The following PRRG1 variants were observed in gnomAD, a reference collection of about 807,000 sequenced individuals.
PRRG1 encodes transmembrane gamma-carboxyglutamic acid protein 1.
Under a neutral mutation model 11.8 loss-of-function variants are expected in PRRG1, and 5 were observed. The ratio of observed to expected loss-of-function variants is 0.42; its 90% CI spans 0.22 to 0.89. The LOEUF (loss-of-function observed/expected upper bound fraction) is 0.89. Ranked by LOEUF, PRRG1 falls within the 40% of genes least tolerant of loss-of-function variation. The probability of loss-of-function intolerance (pLI) is 0.28; values close to 1 mark genes in which losing one functional copy is unlikely to be tolerated. For synonymous variants in PRRG1, 66 were observed against 60.4 expected, an observed-to-expected ratio of 1.09 and a Z score of -0.43; for missense variants, 155 against 166.1, an observed-to-expected ratio of 0.93 and a Z score of 0.37.
chrX:37,364,009 C>CT (rs1189419975), intron 1 of PRRG1, among the ~76,000 whole-genome samples: 5 of 110,875 alleles, frequency 4.5e-5, no homozygotes, highest in Non-Finnish European at 9.5e-5. Context: ...GCTTTTTCTC[C>CT]TTTTTTTTCT....
intron 1 of PRRG1, among the ~76,000 whole-genome samples, chrX:37,400,066 A>G (rs1322375587): frequency 2.7e-5 from 3 of 111,451 alleles, no homozygotes; most frequent in Admixed American, 9.5e-5. Context: ...AACATTAGAC[A>G]GATCAACGAG....
intron 3 of PRRG1, among the ~76,000 whole-genome samples, chrX:37,429,099 A>T (rs782080444): frequency 9.0e-6 from 1 of 111,175 alleles, no homozygotes; most frequent in African/African-American, 3.3e-5. Flanking sequence ...CCAGGAAACC[A>T]TTTTTTCCTT....
At chrX:37,424,280 T>C (rs782178921) in intron 2 of PRRG1, among the ~76,000 whole-genome samples, 24 of 111,297 alleles carry the variant, frequency 2.2e-4, no homozygotes, top group Non-Finnish European at 4.0e-4. Flanking sequence ...AGGGTAGTGA[T>C]TCTCAAACTG....
chrX:37,379,367 A>G (rs1365688498), intron 1 of PRRG1, among the ~76,000 whole-genome samples: 5 of 110,536 alleles, frequency 4.5e-5, no homozygotes, highest in African/African-American at 1.3e-4. Context: ...CACTGCAAGT[A>G]ACAGTTAGCA....
Position 37,453,537 on chromosome X carries a change from C to A in PRRG1, c.573C>A (p.Asp191Glu), listed in dbSNP as rs149270851. The A allele has an allele frequency of 6.9e-5, 83 of 1,208,250 alleles. No individual in the cohort carries two copies. The highest frequency in any genetic ancestry group is 8.9e-5 in the Non-Finnish European group (80 of 894,350). The change falls in exon 4 of 4, where the codon GAC (aspartate) becomes GAA (glutamate). Residue 191 changes from aspartate to glutamate, a missense_variant. By Grantham distance (45) the Asp-to-Glu change is conservative. Transcript: ENST00000378628. ...LQRSETEPHLDPPPEYEDIVN... is the reference protein window; with the variant it reads ...LQRSETEPHLEPPPEYEDIVN... ...GGAGTGAAACAGAACCTCATTTAGA[C>A]CCACCCCCAGAGTATGAGGACATAG... is the stretch of plus-strand genomic sequence containing the variant.
intron 1 of PRRG1, among the ~76,000 whole-genome samples, chrX:37,373,480 A>G (rs1191191383): frequency 1.8e-5 from 2 of 111,810 alleles, no homozygotes; most frequent in East Asian, 5.6e-4. Flanking sequence ...TCAATGTTTT[A>G]CAGTTTTCAG....
chrX:37,414,977 G>A (rs948761408), intron 2 of PRRG1, among the ~76,000 whole-genome samples: 4 of 112,360 alleles, frequency 3.6e-5, no homozygotes, highest in African/African-American at 6.5e-5. Flanking sequence ...AACATATTAC[G>A]TTGAACCATA....
intron 1 of PRRG1, among the ~76,000 whole-genome samples, chrX:37,372,781 G>A (rs985793616): frequency 1.8e-5 from 2 of 112,769 alleles, no homozygotes; most frequent in Non-Finnish European, 3.7e-5. Context: ...TGGCTGTCCA[G>A]AAACTTTTTA....
intron 3 of PRRG1, among the ~76,000 whole-genome samples, chrX:37,431,438 C>G (rs1275554146): frequency 8.9e-6 from 1 of 112,307 alleles, no homozygotes; most frequent in African/African-American, 3.2e-5. Context: ...TTTAGCCATT[C>G]TGCTAGGAGT....
At chrX:37,409,133 A>T (rs1839775406) in intron 2 of PRRG1, among the ~76,000 whole-genome samples, 3 of 112,101 alleles carry the variant, frequency 2.7e-5, no homozygotes, top group Admixed American at 9.5e-5. Flanking sequence ...TAAACAATTG[A>T]TTAACACATA....
At chrX:37,401,743 C>T (rs1463089113) in intron 1 of PRRG1, among the ~76,000 whole-genome samples, 1 of 111,137 alleles carries the variant, frequency 9.0e-6, no homozygotes, top group East Asian at 2.8e-4. Context: ...ACCCCATTGT[C>T]TCAGCCCAAA....
chrX:37,359,309 A>G (rs1156877665), intron 1 of PRRG1, among the ~76,000 whole-genome samples: 1 of 107,571 alleles, frequency 9.3e-6, no homozygotes, highest in Non-Finnish European at 1.9e-5. Flanking sequence ...GTTCCCATCT[A>G]TTCCTAGTTT....
chrX:37,356,943 T>C (rs28378872), intron 1 of PRRG1, among the ~76,000 whole-genome samples: 22,905 of 110,038 alleles, frequency 0.21, 2,606 homozygotes, highest in African/African-American at 0.43. Context: ...ATATTAGGAC[T>C]CACTCTTGGT....
intron 1 of PRRG1, among the ~76,000 whole-genome samples, chrX:37,403,512 G>A (rs1602007551): frequency 9.7e-6 from 1 of 102,697 alleles, no homozygotes; most frequent in African/African-American, 3.6e-5. Flanking sequence ...ATAGCATTAG[G>A]AGATATACCT....
chrX:37,371,752 A>G (rs1021569649), intron 1 of PRRG1, among the ~76,000 whole-genome samples: 4 of 113,023 alleles, frequency 3.5e-5, no homozygotes, highest in African/African-American at 1.3e-4. Flanking sequence ...TTCCTGCCCC[A>G]CTTCAGCCAG....
chrX:37,380,479 A>G (rs1931118879), intron 1 of PRRG1, among the ~76,000 whole-genome samples: 1 of 111,267 alleles, frequency 9.0e-6, no homozygotes, highest in African/African-American at 3.3e-5. Flanking sequence ...TAACCAAACT[A>G]AGCCTTGGTT....
intron 1 of PRRG1, among the ~76,000 whole-genome samples, chrX:37,397,891 T>C (rs1189299766): frequency 9.1e-6 from 1 of 109,877 alleles, no homozygotes; most frequent in Non-Finnish European, 1.9e-5. Context: ...ATTGTCATTA[T>C]TTTAGAAGTA....
At chrX:37,406,576 C>G (rs1347794190) in intron 2 of PRRG1, among the ~76,000 whole-genome samples, 1 of 109,482 alleles carries the variant, frequency 9.1e-6, no homozygotes, top group African/African-American at 3.3e-5. Context: ...TTCCCCAAAC[C>G]CAGCTTCTTT....
In PRRG1 at chrX:37,453,201, T is replaced by G; in HGVS notation, c.237T>G (p.Phe79Leu). The change falls in exon 4 of 4, where the codon TTT becomes TTG. Residue 79 changes from phenylalanine to leucine, a missense_variant. By Grantham distance (22) the Phe-to-Leu change is conservative. Transcript: ENST00000378628. ...AGAGTAACCGAGGAAGTGACTGGTT[T>G]CAGTTTTACCTTACCTTTCCGTTAA... is the stretch of plus-strand genomic sequence containing the variant. The part of the protein sequence containing the change: ...QGESNRGSDW[F>L]QFYLTFPLIF... The G allele has an allele frequency of 8.3e-7, 1 of 1,209,945 alleles. No homozygotes were observed. Among genetic ancestry groups the G allele is most frequent in the Middle Eastern group, 2.3e-4 (1 of 4,352 alleles).
Sources: allele counts gnomAD v4.1 joint callset (sites outside exome capture counted in the v4.1 genomes callset), GRCh38; gene constraint gnomAD v4.1.1; transcripts MANE v1.5; gene names NCBI Gene and HGNC (gene_info 2026-07-23, HGNC 2026-07-21).